The following PPFIBP1 variants were observed in gnomAD, a reference collection of about 807,000 sequenced individuals.
PPFIBP1 encodes the protein liprin-beta-1.
A neutral mutation model predicts 137.8 loss-of-function variants in PPFIBP1; 112 were observed. That is an observed-to-expected ratio of 0.81 (90% confidence interval 0.70 to 0.95). The LOEUF (loss-of-function observed/expected upper bound fraction) is 0.95, where lower values mean the gene tolerates loss of function less well. PPFIBP1 is among the 40% of genes least tolerant of loss of function. PPFIBP1 has a pLI of 0.00. For synonymous variants in PPFIBP1, 378 were observed against 417.3 expected (o/e 0.91, Z 1.15); for missense variants, 1,083 against 1,196.6 (o/e 0.91, Z 1.40).
chr12:27,553,540 C>G (rs1303726490), intron 1 of PPFIBP1, among the ~76,000 whole-genome samples: 1 of 152,160 alleles, frequency 6.6e-6, no homozygotes, highest in Non-Finnish European at 1.5e-5. Flanking sequence ...GTGGCTGACC[C>G]TGTAGGAGTA....
Position 27,647,733 on chromosome 12 carries a change from G to A in PPFIBP1, c.362G>A (p.Ser121Asn), listed in dbSNP as rs144532770. 3.8e-6 allele frequency: 6 copies of A among 1,597,992 alleles called. No individual in the cohort carries two copies. In the African/African-American group the frequency reaches 6.7e-5, roughly 18 times the overall value. ...ATTATTTTGCTCTAAATACAGGTAA[G>A]TGTGTTAACAGACCAGGTGGAGGCT... ...NDKESLVLQV[S>N]VLTDQVEAQG... is the part of the protein sequence containing the mutation. The change falls in exon 6 of 30, where the codon AGT becomes AAT. Residue 121 changes from serine to asparagine, a missense_variant. Ser to Asn is a conservative substitution (Grantham distance 46, BLOSUM62 1). Transcript: ENST00000228425.
chr12:27,540,816 A>G (rs748983186), intron 1 of PPFIBP1, among the ~76,000 whole-genome samples: 27 of 152,288 alleles, frequency 1.8e-4, no homozygotes, highest in Non-Finnish European at 3.4e-4. Flanking sequence ...TCATATGACT[A>G]TTGGCTGTTT....
chr12:27,524,590 T>C (rs1943503978), intron 1 of PPFIBP1, among the ~76,000 whole-genome samples: 1 of 152,024 alleles, frequency 6.6e-6, no homozygotes, highest in African/African-American at 2.4e-5. Flanking sequence ...TACTCCAGGA[T>C]TGGACGTTTA....
intron 17 of PPFIBP1, among the ~76,000 whole-genome samples, chr12:27,675,403 G>A (rs1344668692): frequency 6.6e-6 from 1 of 152,158 alleles, no homozygotes; most frequent in Admixed American, 6.5e-5. Context: ...GTTTCTATGA[G>A]CTGTAGATAT....
At chr12:27,673,189 A>G (rs575225637) in intron 15 of PPFIBP1, among the ~76,000 whole-genome samples, 6 of 152,300 alleles carry the variant, frequency 3.9e-5, no homozygotes, top group Non-Finnish European at 8.8e-5. Flanking sequence ...ATAATTGAAT[A>G]TTAATTATGT....
intron 1 of PPFIBP1, among the ~76,000 whole-genome samples, chr12:27,531,932 C>T (rs184882223): frequency 7.9e-4 from 120 of 152,114 alleles, no homozygotes; most frequent in Non-Finnish European, 1.5e-3. Flanking sequence ...AGGGCGGGGA[C>T]TCCAGAGTCA....
intron 4 of PPFIBP1, among the ~76,000 whole-genome samples, chr12:27,640,903 A>G (rs971457897): frequency 6.6e-6 from 1 of 152,226 alleles, no homozygotes; most frequent in Non-Finnish European, 1.5e-5. Flanking sequence ...TTCTGAGTAC[A>G]AAATGCTGTC....
At chr12:27,526,252 C>A (rs191818132) in intron 1 of PPFIBP1, among the ~76,000 whole-genome samples, 9 of 152,294 alleles carry the variant, frequency 5.9e-5, no homozygotes, top group African/African-American at 2.2e-4. Flanking sequence ...GGATGTTATC[C>A]TTATGTGCCA....
chr12:27,646,232 C>A, intron 5 of PPFIBP1, 84 bp downstream of exon 5: 2 of 1,040,132 alleles, frequency 1.9e-6, no homozygotes, highest in South Asian at 1.3e-5. Context: ...AGATTGCTTG[C>A]AGCAATCAGA....
chr12:27,576,466 T>A (rs763418225), intron 1 of PPFIBP1, among the ~76,000 whole-genome samples: 7 of 152,172 alleles, frequency 4.6e-5, no homozygotes, highest in Non-Finnish European at 1.0e-4. Flanking sequence ...CTTGCCCTCT[T>A]ACTGTTGACT....
intron 2 of PPFIBP1, among the ~76,000 whole-genome samples, chr12:27,579,321 T>C (rs535456378): frequency 2.6e-5 from 4 of 152,288 alleles, no homozygotes; most frequent in African/African-American, 9.6e-5. Context: ...ACCTTATGCG[T>C]AGAGGAAAGT....
intron 4 of PPFIBP1, among the ~76,000 whole-genome samples, chr12:27,642,613 G>T (rs2058191596): frequency 6.6e-6 from 1 of 152,118 alleles, no homozygotes; most frequent in Non-Finnish European, 1.5e-5. Flanking sequence ...GACCCAGAAG[G>T]TCAGCCCGTA....
chr12:27,534,580 G>A (rs1944783160), intron 1 of PPFIBP1, among the ~76,000 whole-genome samples: 1 of 152,102 alleles, frequency 6.6e-6, no homozygotes, highest in Non-Finnish European at 1.5e-5. Context: ...AAAAGAGAAT[G>A]AAATTAGACA....
In PPFIBP1 at chr12:27,635,036, CAG is replaced by C; in HGVS notation, c.193_194del (p.Asp65Ter). 6.2e-7 allele frequency: 1 copy of C among 1,614,160 alleles called. No homozygotes were observed. Among genetic ancestry groups the C allele is most frequent in the Non-Finnish European group, 8.5e-7 (1 of 1,180,010 alleles). On this transcript the variant is annotated frameshift_variant, in exon 4 of 30. Coordinates refer to ENST00000228425, the MANE Select transcript of PPFIBP1 (RefSeq NM_003622.4). LOFTEE classifies it high-confidence loss of function. ...CGTGGATTGTTAGAGATGATGGAAA[CAG>C]ATGAGAAAGAAGGCTTGAGATGCCA...
At chr12:27,601,846 A>G (rs1278224157) in intron 2 of PPFIBP1, among the ~76,000 whole-genome samples, 2 of 152,232 alleles carry the variant, frequency 1.3e-5, no homozygotes, top group Non-Finnish European at 2.9e-5. Flanking sequence ...GCACAAAAAC[A>G]TCACACAACC....
intron 1 of PPFIBP1, among the ~76,000 whole-genome samples, chr12:27,558,666 C>A (rs1025309559): frequency 6.6e-6 from 1 of 151,636 alleles, no homozygotes; most frequent in Non-Finnish European, 1.5e-5. Flanking sequence ...ATAAATTATG[C>A]GTATGTTTGA....
chr12:27,651,959 C>T (rs1224998939), intron 7 of PPFIBP1, among the ~76,000 whole-genome samples: 2 of 152,108 alleles, frequency 1.3e-5, no homozygotes, highest in Non-Finnish European at 2.9e-5. Flanking sequence ...TTCCTGTACA[C>T]TCAATCCCTG....
chr12:27,595,879 ACAACAAAATATATATATAT>A (rs1465435699), intron 2 of PPFIBP1, among the ~76,000 whole-genome samples: 2 of 46,434 alleles, frequency 4.3e-5, no homozygotes, highest in Non-Finnish European at 8.7e-5. Flanking sequence ...AACAACAACA[ACAACAAAATATATATATAT>A]ATATATATAT....
chr12:27,583,082 G>A (rs897042700), intron 2 of PPFIBP1, among the ~76,000 whole-genome samples: 3 of 152,144 alleles, frequency 2.0e-5, no homozygotes, highest in Admixed American at 6.5e-5. Flanking sequence ...GTCTTTCTGG[G>A]CTATTCTGGG....
Sources: allele counts gnomAD v4.1 joint callset (sites outside exome capture counted in the v4.1 genomes callset), GRCh38; gene constraint gnomAD v4.1.1; transcripts MANE v1.5; gene names NCBI Gene and HGNC (gene_info 2026-07-23, HGNC 2026-07-21).